The following CTNND1 variants were observed in gnomAD, a reference collection of about 807,000 sequenced individuals.
The protein encoded by CTNND1 is catenin delta-1.
In CTNND1, 16 loss-of-function variants were observed where a neutral mutation model predicts 112.1. That is an observed-to-expected ratio of 0.14 (90% CI 0.10 to 0.22). The LOEUF is 0.22. Among genes scored for constraint, CTNND1 ranks in the 10% least tolerant of loss-of-function variants. CTNND1 has a pLI of 1.00. For missense variants in CTNND1, 1,008 were observed against 1,257.0 expected (o/e 0.80, Z 3.00); for synonymous variants, 420 against 446.5 (o/e 0.94, Z 0.75).
intron 9 of CTNND1, among the ~76,000 whole-genome samples, 200 bp from the exon 10 acceptor site, chr11:57,805,682 T>G (rs575329880): frequency 6.6e-6 from 1 of 152,140 alleles, no homozygotes. Flanking sequence ...AGCCAATAAG[T>G]CCATAGTTGG....
chr11:57,777,385 T>TA (rs1954574290), intron 1 of CTNND1, among the ~76,000 whole-genome samples: 1 of 152,154 alleles, frequency 6.6e-6, no homozygotes, highest in Admixed American at 6.5e-5. Context: ...TCCCCTGCCT[T>TA]AGCCACCTGG....
At chr11:57,773,884 T>C (rs1181362037) in intron 1 of CTNND1, among the ~76,000 whole-genome samples, 1 of 151,990 alleles carries the variant, frequency 6.6e-6, no homozygotes, top group Non-Finnish European at 1.5e-5. Flanking sequence ...GGAGGTTGCA[T>C]TGAGATTGCA....
intron 18 of CTNND1, 83 bp from the exon 19 acceptor site, chr11:57,815,310 GC>G: frequency 2.7e-6 from 2 of 751,144 alleles, no homozygotes; most frequent in East Asian, 5.5e-5. Flanking sequence ...CAACAGTGAT[GC>G]CTAATTACAC....
chr11:57,779,616 A>G (rs1213919012), intron 1 of CTNND1, among the ~76,000 whole-genome samples: 9 of 152,156 alleles, frequency 5.9e-5, no homozygotes, highest in Admixed American at 5.9e-4. Context: ...GGCTAGCACA[A>G]TCTTTACTGC....
chr11:57,764,763 T>C (rs993418031), intron 1 of CTNND1, among the ~76,000 whole-genome samples: 1 of 152,144 alleles, frequency 6.6e-6, no homozygotes, highest in African/African-American at 2.4e-5. Context: ...ACAAAGTCCA[T>C]GGACTTAACC....
chr11:57,806,641 C>T (rs1459318583), intron 11 of CTNND1, 163 bp downstream of exon 11: 7 of 680,050 alleles, frequency 1.0e-5, no homozygotes, highest in Admixed American at 2.7e-5. Flanking sequence ...TAATAGCTCA[C>T]GGCATGCTGT....
At chr11:57,814,209 T>A (rs2063693015) in intron 17 of CTNND1, 102 bp from the exon 18 acceptor site, 1 of 783,312 alleles carries the variant, frequency 1.3e-6, no homozygotes, top group Non-Finnish European at 2.2e-6. Context: ...TAAGTAGAAG[T>A]GTGAATGAAG....
At chr11:57,798,951 G>C (rs1186253477) in intron 6 of CTNND1, among the ~76,000 whole-genome samples, 1 of 152,186 alleles carries the variant, frequency 6.6e-6, no homozygotes, top group African/African-American at 2.4e-5. Flanking sequence ...TAAGAAACAA[G>C]GGATGATTTA....
intron 18 of CTNND1, among the ~76,000 whole-genome samples, chr11:57,814,960 C>CAAA (rs2063788560): frequency 6.6e-6 from 1 of 152,118 alleles, no homozygotes; most frequent in African/African-American, 2.4e-5. Flanking sequence ...ATATTGTCTT[C>CAAA]CATCTTAGAT....
chr11:57,780,450 C>T (rs1288081429), intron 1 of CTNND1, among the ~76,000 whole-genome samples: 1 of 152,162 alleles, frequency 6.6e-6, no homozygotes, highest in African/African-American at 2.4e-5. Flanking sequence ...TAGGAGTTTT[C>T]ACTACTTACT....
chr11:57,806,762 C>G, intron 11 of CTNND1, 153 bp from the exon 12 acceptor site: 1 of 669,536 alleles, frequency 1.5e-6, no homozygotes. Flanking sequence ...GAATAGTCCC[C>G]TGCTGGAACA....
chr11:57,772,988 C>G (rs145936786), intron 1 of CTNND1, among the ~76,000 whole-genome samples: 32 of 152,282 alleles, frequency 2.1e-4, no homozygotes, highest in Non-Finnish European at 3.2e-4. Context: ...TAGGGATGCC[C>G]TCAACCAAGA....
At position 57,796,662 on chromosome 11, in the gene CTNND1, C is replaced by G. The variant is rs757313779; in HGVS notation, c.626C>G (p.Pro209Arg). 1 of 1,614,036 alleles carries G rather than the reference C, an allele frequency of 6.2e-7. No individual in the cohort carries two copies. The highest frequency in any genetic ancestry group is 8.5e-7 in the Non-Finnish European group (1 of 1,179,900). Reference protein sequence around the residue: ...TATLPRNFHYPPDGYSRHYED... With the variant: ...TATLPRNFHYRPDGYSRHYED... ...ACCCTTCCTAGGAACTTCCACTACC[C>G]TCCTGATGGTTATAGTCGCCACTAT... Residue 209 changes from proline (P) to arginine (R), a missense_variant, in exon 6 of 21, where the codon CCT becomes CGT. This residue lies in a region of CTNND1 where 404 missense variants were observed against 457.9 expected (regional missense o/e 0.88). Coordinates refer to ENST00000399050, the MANE Select transcript of CTNND1 (RefSeq NM_001085458.2).
intron 1 of CTNND1, among the ~76,000 whole-genome samples, chr11:57,783,653 C>T (rs1439725942): frequency 2.7e-5 from 4 of 147,618 alleles, no homozygotes; most frequent in Non-Finnish European, 6.0e-5. Context: ...AGCGAGACTC[C>T]ATCTCAAAAT....
intron 4 of CTNND1, among the ~76,000 whole-genome samples, chr11:57,795,146 ATCATGCCACTGCAC>A (rs2061230449): frequency 6.6e-6 from 1 of 152,214 alleles, no homozygotes; most frequent in Non-Finnish European, 1.5e-5. Flanking sequence ...GTGAGCTATG[ATCATGCCACTGCAC>A]TCTAGCTTGG....
chr11:57,767,118 C>T (rs142494642), intron 1 of CTNND1, among the ~76,000 whole-genome samples: 8 of 152,134 alleles, frequency 5.3e-5, no homozygotes, highest in East Asian at 1.9e-4. Flanking sequence ...ACTACAGGTG[C>T]GCGCCACCAC....
intron 1 of CTNND1, among the ~76,000 whole-genome samples, chr11:57,787,702 A>C (rs1591389840): frequency 6.6e-6 from 1 of 152,176 alleles, no homozygotes; most frequent in African/African-American, 2.4e-5. Flanking sequence ...GTTGTGTTCT[A>C]TCCCATATGG....
chr11:57,773,002 T>A (rs139889351), intron 1 of CTNND1, among the ~76,000 whole-genome samples: 4 of 152,340 alleles, frequency 2.6e-5, no homozygotes, highest in African/African-American at 9.6e-5. Context: ...ACCAAGAAAC[T>A]TTTTTTCTTC....
chr11:57,769,995 G>A (rs906901682), intron 1 of CTNND1, among the ~76,000 whole-genome samples: 1 of 152,144 alleles, frequency 6.6e-6, no homozygotes, highest in Admixed American at 6.5e-5. Context: ...CTATGTTGTA[G>A]TGCAGTAGCA....
Sources: allele counts gnomAD v4.1 joint callset (sites outside exome capture counted in the v4.1 genomes callset), GRCh38; gene constraint gnomAD v4.1.1; regional missense constraint gnomAD v4.1.1; transcripts MANE v1.5; gene names NCBI Gene and HGNC (gene_info 2026-07-23, HGNC 2026-07-21).